Variants in PCDHA13 observed in about 807,000 individuals in gnomAD.
PCDHA13 encodes the protein protocadherin alpha-13.
In PCDHA13, 54 loss-of-function variants were observed where a neutral mutation model predicts 64.8. That is an observed-to-expected ratio of 0.83 (90% CI 0.67 to 1.04). The LOEUF is 1.04. Ranked by LOEUF, PCDHA13 falls within the 50% of genes least tolerant of loss-of-function variation. The probability of loss-of-function intolerance (pLI) is 0.00; values close to 1 mark genes in which losing one functional copy is unlikely to be tolerated. For missense variants in PCDHA13, 1,248 were observed against 1,254.3 expected (o/e 0.99, Z 0.08); for synonymous variants, 587 against 564.4 (o/e 1.04, Z -0.57).
At chr5:140,953,398 C>G (rs1247752047) in intron 1 of PCDHA13, among the ~76,000 whole-genome samples, 9 of 152,150 alleles carry the variant, frequency 5.9e-5, no homozygotes, top group Non-Finnish European at 7.3e-5. Flanking sequence ...GATTACAGTG[C>G]TGTTGCTCCT....
intron 1 of PCDHA13, chr5:140,928,746 C>A (rs782813323): frequency 6.2e-7 from 1 of 1,614,130 alleles, no homozygotes. Context: ...TAGGTGAGCT[C>A]CGTACTGCTC....
intron 1 of PCDHA13, among the ~76,000 whole-genome samples, chr5:140,902,906 G>T (rs1047423029): frequency 9.2e-5 from 14 of 152,162 alleles, no homozygotes; most frequent in Admixed American, 3.3e-4. Context: ...TTAGTTTATG[G>T]CTGAGTAGTA....
At chr5:140,955,469 T>C (rs1324804121) in intron 1 of PCDHA13, among the ~76,000 whole-genome samples, 11 of 152,208 alleles carry the variant, frequency 7.2e-5, no homozygotes, top group Middle Eastern at 3.4e-3. Flanking sequence ...CCTTTTTGCT[T>C]GGCACCTCTC....
chr5:140,987,797 T>A (rs967250070), intron 3 of PCDHA13, among the ~76,000 whole-genome samples: 23 of 152,308 alleles, frequency 1.5e-4, no homozygotes, highest in African/African-American at 4.3e-4. Flanking sequence ...AAGATTTTTT[T>A]AAAGTGCCTG....
chr5:140,925,084 AGGAAGGAAGGAAGGAAGGAAGGAG>A (rs1554202501), intron 1 of PCDHA13, among the ~76,000 whole-genome samples: 1 of 144,612 alleles, frequency 6.9e-6, no homozygotes, highest in Admixed American at 6.7e-5. Flanking sequence ...TCATCTGGAA[AGGAAGGAAGGAAGGAAGGAAGGAG>A]GGAAGGAAGG....
intron 1 of PCDHA13, among the ~76,000 whole-genome samples, chr5:140,891,360 G>T (rs2063061562): frequency 6.6e-6 from 1 of 151,060 alleles, no homozygotes; most frequent in Admixed American, 6.6e-5. Context: ...CATCACCTGA[G>T]CAGTATACAT....
At chr5:140,922,856 T>C (rs2081036799) in intron 1 of PCDHA13, among the ~76,000 whole-genome samples, 1 of 152,072 alleles carries the variant, frequency 6.6e-6, no homozygotes, top group Non-Finnish European at 1.5e-5. Context: ...ACCAAATACA[T>C]AGACAAGGGG....
intron 1 of PCDHA13, chr5:140,928,635 A>T (rs148091714): frequency 1.6e-4 from 258 of 1,614,104 alleles, no homozygotes; most frequent in Non-Finnish European, 2.1e-4. Flanking sequence ...ACTTGGTCAC[A>T]AAAGTGGTAG....
intron 1 of PCDHA13, among the ~76,000 whole-genome samples, chr5:140,915,582 G>A (rs991142864): frequency 2.6e-5 from 4 of 152,056 alleles, no homozygotes; most frequent in South Asian, 4.1e-4. Flanking sequence ...CCAGGCAAAA[G>A]CACTTGTTCT....
Position 140,890,095 on chromosome 5 carries a change from C to T in PCDHA13, c.2394+5433C>T, listed in dbSNP as rs1237299507. On this transcript the variant is annotated intron_variant, in intron 1 of 3. Coordinates refer to ENST00000289272, the MANE Select transcript of PCDHA13 (RefSeq NM_018904.3). ...TGAGAACTGATAATGCAAATTTATT[C>T]CCAACTCTGGATTCAATGATGTCAC... Among the ~76,000 whole-genome samples the T allele has an allele frequency of 2.6e-5, 4 of 152,128 alleles. 1 individual carries two copies. The highest frequency in any genetic ancestry group is 1.3e-4 in the Admixed American group (2 of 15,262).
At chr5:140,989,865 C>T (rs1209207256) in intron 3 of PCDHA13, among the ~76,000 whole-genome samples, 1 of 152,034 alleles carries the variant, frequency 6.6e-6, no homozygotes, top group Non-Finnish European at 1.5e-5. Flanking sequence ...AGGAATCTTT[C>T]TCTGCCTCAG....
At position 141,000,391 on chromosome 5, in the gene PCDHA13, CTCTCTATA is replaced by C. The variant is rs1374519322; in HGVS notation, c.2543-9234_2543-9227del. Reference sequence around the variant, plus strand: ...TCTCTCTCTCTCTCTCTCTCTCTCTCTCTCTATATATATATATATATATATATATATTT... The same window carrying C: ...TCTCTCTCTCTCTCTCTCTCTCTCTCTATATATATATATATATATATATTT... On this transcript the variant is annotated intron_variant, in intron 3 of 3. Transcript: ENST00000289272. Among the ~76,000 whole-genome samples the C allele has an allele frequency of 7.6e-3, 431 of 56,394 alleles. 1 individual carries two copies. The highest frequency in any genetic ancestry group is 0.013 in the African/African-American group (152 of 11,988). The allele number at this position is 56,394 out of a possible 152,430, so 37.0% of individuals were successfully genotyped here. A position where few individuals can be genotyped will look rare whatever the true frequency, so the allele number is the denominator to read the frequency against.
chr5:140,886,844 A>G (rs11748231), intron 1 of PCDHA13, among the ~76,000 whole-genome samples: 22,325 of 150,652 alleles, frequency 0.15, 1,711 homozygotes, highest in Middle Eastern at 0.2. Context: ...AAAAAAAAAA[A>G]AAAGAAAGGT....
At chr5:140,927,342 TGAC>T (rs1554204398) in intron 1 of PCDHA13, 1 of 1,614,160 alleles carries the variant, frequency 6.2e-7, no homozygotes, top group Non-Finnish European at 8.5e-7. Context: ...ATGCCCAAGA[TGAC>T]GACGAGGGAA....
intron 1 of PCDHA13, among the ~76,000 whole-genome samples, chr5:140,972,103 CA>C (rs1388508761): frequency 2.0e-5 from 3 of 152,104 alleles, no homozygotes; most frequent in Non-Finnish European, 4.4e-5. Context: ...GGCATAGAAG[CA>C]GGTAACAAAT....
At chr5:140,940,894 T>G (rs1364224332) in intron 1 of PCDHA13, among the ~76,000 whole-genome samples, 1 of 152,240 alleles carries the variant, frequency 6.6e-6, no homozygotes, top group Non-Finnish European at 1.5e-5. Flanking sequence ...AGTAAACCAC[T>G]TTAAATCAAG....
Position 140,928,756 on chromosome 5 carries a change from C to T in PCDHA13, c.2394+44094C>T. 2.5e-6 allele frequency: 4 copies of T among 1,614,164 alleles called. No individual in the cohort carries two copies. The highest frequency in any genetic ancestry group is 3.4e-6 in the Non-Finnish European group (4 of 1,180,032). On this transcript the variant is annotated intron_variant, in intron 1 of 3. Transcript: ENST00000289272. The stretch of plus-strand genomic sequence containing the variant: ...CAATATAGGTGAGCTCCGTACTGCT[C>T]GCTTAGTTCTTCCCACTGATGCAGT...
chr5:140,948,096 T>C (rs550126735), intron 1 of PCDHA13, among the ~76,000 whole-genome samples: 1 of 151,754 alleles, frequency 6.6e-6, no homozygotes, highest in East Asian at 1.9e-4. Flanking sequence ...TATGAGCATA[T>C]GATTTTTCTT....
intron 1 of PCDHA13, among the ~76,000 whole-genome samples, chr5:140,970,397 T>C (rs2096402198): frequency 6.6e-6 from 1 of 152,218 alleles, no homozygotes; most frequent in Non-Finnish European, 1.5e-5. Flanking sequence ...GGAAAGTGGA[T>C]GGCTTACCCT....
Sources: gnomAD v4.1 joint callset for allele counts (sites outside exome capture counted in the v4.1 genomes callset) on GRCh38, gnomAD v4.1.1 for gene constraint, MANE v1.5 for transcripts, NCBI Gene and HGNC (gene_info 2026-07-23, HGNC 2026-07-21) for gene names.